Variants in RAD51B observed in about 807,000 individuals in gnomAD.
RAD51B encodes DNA repair protein RAD51 homolog 2.
A neutral mutation model predicts 42.2 loss-of-function variants in RAD51B; 38 were observed. That is an observed-to-expected ratio of 0.90 (90% CI 0.70 to 1.18). The LOEUF (loss-of-function observed/expected upper bound fraction) is 1.18, where lower values mean the gene tolerates loss of function less well. RAD51B is among the 50% of genes most tolerant of loss of function. The pLI, the probability that RAD51B is intolerant of heterozygous loss-of-function variation, is 0.00. For synonymous variants in RAD51B, 154 were observed against 145.2 expected (o/e 1.06, Z -0.43); for missense variants, 373 against 400.7 (o/e 0.93, Z 0.59).
At chr14:68,276,701 A>T (rs1044864631) in intron 7 of RAD51B, among the ~76,000 whole-genome samples, 3 of 152,176 alleles carry the variant, frequency 2.0e-5, no homozygotes, top group African/African-American at 7.2e-5. Context: ...CGTCCCCACC[A>T]CTTCAGAGCA....
chr14:67,972,811 A>G (rs1409333422), intron 7 of RAD51B, among the ~76,000 whole-genome samples: 1 of 152,100 alleles, frequency 6.6e-6, no homozygotes, highest in East Asian at 1.9e-4. Flanking sequence ...TTTGAACAAA[A>G]TACTGATTTG....
At chr14:68,295,192 G>T (rs1013622160) in intron 8 of RAD51B, among the ~76,000 whole-genome samples, 3 of 152,112 alleles carry the variant, frequency 2.0e-5, no homozygotes, top group African/African-American at 4.8e-5. Context: ...TGGCCCTTGG[G>T]GTGTACTTCT....
chr14:67,975,212 G>C (rs1595190904), intron 7 of RAD51B, among the ~76,000 whole-genome samples: 1 of 152,176 alleles, frequency 6.6e-6, no homozygotes, highest in Non-Finnish European at 1.5e-5. Flanking sequence ...AATGAATGCT[G>C]TTATTCAAGT....
chr14:68,417,966 C>T (rs752160265), intron 9 of RAD51B, among the ~76,000 whole-genome samples: 2 of 152,144 alleles, frequency 1.3e-5, no homozygotes, highest in South Asian at 2.1e-4. Flanking sequence ...GCTTTGACCA[C>T]GATAGACCGT....
chr14:67,951,566 C>T (rs551917164), intron 7 of RAD51B, among the ~76,000 whole-genome samples: 1 of 152,224 alleles, frequency 6.6e-6, no homozygotes, highest in East Asian at 1.9e-4. Context: ...AAAGTTGGAA[C>T]TTGCCTTTTT....
chr14:68,257,942 G>A (rs2080788007), intron 7 of RAD51B, among the ~76,000 whole-genome samples: 1 of 152,136 alleles, frequency 6.6e-6, no homozygotes, highest in Non-Finnish European at 1.5e-5. Flanking sequence ...TCAAACTAGA[G>A]CATAGGAACT....
intron 8 of RAD51B, among the ~76,000 whole-genome samples, chr14:68,397,960 C>T (rs1244019081): frequency 6.6e-6 from 1 of 152,216 alleles, no homozygotes; most frequent in Non-Finnish European, 1.5e-5. Flanking sequence ...GCATTCCATT[C>T]CCTCCCACGC....
chr14:67,844,730 A>G (rs1303261195), intron 4 of RAD51B, among the ~76,000 whole-genome samples: 1 of 151,752 alleles, frequency 6.6e-6, no homozygotes, highest in Admixed American at 6.6e-5. Context: ...TTAACTCGTC[A>G]TTTACATTAG....
chr14:67,874,558 G>A (rs2042662532), intron 5 of RAD51B, among the ~76,000 whole-genome samples: 1 of 152,020 alleles, frequency 6.6e-6, no homozygotes, highest in Non-Finnish European at 1.5e-5. Flanking sequence ...TGTGTAGCCT[G>A]GCGCTAACCA....
chr14:67,882,787 C>G (rs571587949), intron 5 of RAD51B, among the ~76,000 whole-genome samples: 1 of 152,152 alleles, frequency 6.6e-6, no homozygotes, highest in East Asian at 1.9e-4. Flanking sequence ...ACTCTGTTGC[C>G]TAGGCTGAGT....
At chr14:68,047,942 T>C (rs1428796375) in intron 7 of RAD51B, among the ~76,000 whole-genome samples, 1 of 152,220 alleles carries the variant, frequency 6.6e-6, no homozygotes, top group Non-Finnish European at 1.5e-5. Context: ...CGAAATGTTA[T>C]CTAGTGTTTA....
intron 8 of RAD51B, 47 bp downstream of exon 8, chr14:68,292,027 G>C (rs752864975): frequency 6.7e-7 from 1 of 1,484,438 alleles, no homozygotes; most frequent in East Asian, 2.3e-5. Context: ...CTGACATAGA[G>C]CCCCACTGCC....
intron 7 of RAD51B, among the ~76,000 whole-genome samples, chr14:67,997,428 G>A (rs2075403615): frequency 1.3e-5 from 2 of 152,118 alleles, no homozygotes; most frequent in African/African-American, 2.4e-5. Context: ...GGAGGAGAGA[G>A]TGATGCATTA....
intron 7 of RAD51B, among the ~76,000 whole-genome samples, chr14:68,283,482 T>C (rs942939016): frequency 1.3e-5 from 2 of 152,222 alleles, no homozygotes; most frequent in Non-Finnish European, 2.9e-5. Flanking sequence ...TTTGGCCTCA[T>C]ACTAACTGCA....
At chr14:67,986,755 G>A (rs539996751) in intron 7 of RAD51B, among the ~76,000 whole-genome samples, 1 of 152,206 alleles carries the variant, frequency 6.6e-6, no homozygotes, top group African/African-American at 2.4e-5. Flanking sequence ...TTTGTGAGAT[G>A]GAGTTTCGCT....
intron 10 of RAD51B, among the ~76,000 whole-genome samples, chr14:68,647,901 C>T (rs1401659331): frequency 3.3e-5 from 5 of 151,604 alleles, no homozygotes; most frequent in African/African-American, 1.2e-4. Context: ...TGGCCTTGAA[C>T]TCCCAACCTT....
chr14:68,490,988 A>T (rs1884025344), intron 10 of RAD51B, among the ~76,000 whole-genome samples: 1 of 152,232 alleles, frequency 6.6e-6, no homozygotes, highest in African/African-American at 2.4e-5. Flanking sequence ...AAACTAGCCT[A>T]CAACTTTGTA....
At chr14:68,049,342 A>T (rs536878756) in intron 7 of RAD51B, among the ~76,000 whole-genome samples, 10 of 152,300 alleles carry the variant, frequency 6.6e-5, no homozygotes, top group African/African-American at 2.2e-4. Context: ...TGTACCCTAG[A>T]ACTTAAAGTA....
chr14:68,546,214 A>G (rs1888225769), intron 10 of RAD51B, among the ~76,000 whole-genome samples: 1 of 152,196 alleles, frequency 6.6e-6, no homozygotes, highest in Non-Finnish European at 1.5e-5. Flanking sequence ...ATCCTGGAGG[A>G]AGGACTGGTA....
Sources: gnomAD v4.1 joint callset for allele counts (sites outside exome capture counted in the v4.1 genomes callset) on GRCh38, gnomAD v4.1.1 for gene constraint, MANE v1.5 for transcripts, NCBI Gene and HGNC (gene_info 2026-07-23, HGNC 2026-07-21) for gene names.